THSD7B: variants seen among roughly 807,000 people sequenced by gnomAD.
THSD7B encodes the protein thrombospondin type 1 domain containing 7B.
THSD7B carries 138 observed loss-of-function variants against 213.6 expected under a neutral mutation model. The observed-to-expected ratio is 0.65, with a 90% confidence interval of 0.56 to 0.74. THSD7B has a LOEUF of 0.74. Ranked by LOEUF, THSD7B falls within the 30% of genes least tolerant of loss-of-function variation. The pLI, the probability that THSD7B is intolerant of heterozygous loss-of-function variation, is 0.00. For synonymous variants in THSD7B, 742 were observed against 687.0 expected (o/e 1.08, Z -1.25); for missense variants, 1,931 against 1,991.5 (o/e 0.97, Z 0.58).
chr2:137,285,370 T>C (rs2573093), intron 12 of THSD7B, among the ~76,000 whole-genome samples: 44,159 of 151,984 alleles, frequency 0.29, 6,826 homozygotes, highest in East Asian at 0.62. Context: ...CCCGTCTGTG[T>C]CTTTTAATTG....
intron 12 of THSD7B, among the ~76,000 whole-genome samples, chr2:137,351,666 G>A (rs1442740929): frequency 6.6e-6 from 1 of 151,878 alleles, no homozygotes; most frequent in Non-Finnish European, 1.5e-5. Context: ...AAGCCTGGGT[G>A]GCTTTCAACA....
chr2:136,942,194 C>G (rs1459477154), intron 2 of THSD7B, among the ~76,000 whole-genome samples: 1 of 147,818 alleles, frequency 6.8e-6, no homozygotes, highest in South Asian at 2.1e-4. Flanking sequence ...CTGTTCTGTT[C>G]CATTGGACTG....
At chr2:137,020,897 A>G (rs140075795) in intron 2 of THSD7B, among the ~76,000 whole-genome samples, 12 of 152,276 alleles carry the variant, frequency 7.9e-5, no homozygotes, top group Non-Finnish European at 1.5e-4. Flanking sequence ...GTTCACACTC[A>G]TTTTATTTTA....
chr2:136,773,235 A>G (rs1041103658), intron 1 of THSD7B, among the ~76,000 whole-genome samples: 2 of 152,070 alleles, frequency 1.3e-5, no homozygotes, highest in Non-Finnish European at 2.9e-5. Flanking sequence ...GCCAGACGCT[A>G]CTCTACGTGG....
At chr2:137,601,223 A>G (rs1019593821) in intron 17 of THSD7B, among the ~76,000 whole-genome samples, 7 of 152,240 alleles carry the variant, frequency 4.6e-5, no homozygotes, top group Non-Finnish European at 8.8e-5. Context: ...TACAATGTTT[A>G]TAAAGTCTAC....
chr2:137,173,792 T>C (rs1003325988), intron 7 of THSD7B, among the ~76,000 whole-genome samples: 1 of 152,192 alleles, frequency 6.6e-6, no homozygotes, highest in Non-Finnish European at 1.5e-5. Context: ...ATCTGGGTGA[T>C]TGATGATAGA....
At chr2:136,860,167 T>G (rs1479262301) in intron 1 of THSD7B, among the ~76,000 whole-genome samples, 1 of 151,844 alleles carries the variant, frequency 6.6e-6, no homozygotes, top group Non-Finnish European at 1.5e-5. Context: ...ATGATTTTTT[T>G]GAGGAGTTGA....
intron 7 of THSD7B, among the ~76,000 whole-genome samples, chr2:137,206,653 AGACCATAAAG>A (rs1174156948): frequency 1.3e-5 from 2 of 152,064 alleles, no homozygotes; most frequent in Non-Finnish European, 2.9e-5. Context: ...GAATAGAGAA[AGACCATAAAG>A]GATTTTGCTC....
intron 12 of THSD7B, among the ~76,000 whole-genome samples, chr2:137,336,062 G>A (rs909135589): frequency 2.0e-5 from 3 of 152,020 alleles, no homozygotes; most frequent in African/African-American, 7.2e-5. Context: ...GAAATATGAG[G>A]TCATTGATTA....
intron 1 of THSD7B, among the ~76,000 whole-genome samples, chr2:136,767,063 C>CA: frequency 6.6e-6 from 1 of 152,030 alleles, no homozygotes; most frequent in South Asian, 2.1e-4. Context: ...CTTTGGATGT[C>CA]AAAGGGATAC....
intron 15 of THSD7B, among the ~76,000 whole-genome samples, chr2:137,469,556 A>G (rs928942081): frequency 1.3e-5 from 2 of 152,198 alleles, no homozygotes; most frequent in Non-Finnish European, 2.9e-5. Context: ...GTGCTTAAAT[A>G]CAATCACTTT....
chr2:137,067,355 G>A (rs915967586), intron 3 of THSD7B, among the ~76,000 whole-genome samples: 1 of 152,038 alleles, frequency 6.6e-6, no homozygotes, highest in Non-Finnish European at 1.5e-5. Context: ...CACTGTGTTT[G>A]CTATAGTTGT....
chr2:137,619,304 C>A (rs1162375345), intron 19 of THSD7B, among the ~76,000 whole-genome samples: 1 of 152,206 alleles, frequency 6.6e-6, no homozygotes, highest in East Asian at 1.9e-4. Context: ...GGTGGCATTT[C>A]TCTTAAGAGA....
chr2:137,649,043 TG>T (rs1342409014), intron 21 of THSD7B, among the ~76,000 whole-genome samples: 3 of 152,204 alleles, frequency 2.0e-5, no homozygotes, highest in Non-Finnish European at 4.4e-5. Flanking sequence ...TTTTTTCATA[TG>T]GCAGTTGGCT....
chr2:136,794,830 A>AT (rs34420048), intron 1 of THSD7B, among the ~76,000 whole-genome samples: 26,010 of 151,692 alleles, frequency 0.17, 2,506 homozygotes, highest in East Asian at 0.3. Flanking sequence ...CTAGTTCTCT[A>AT]TTTTTTTCCC....
intron 7 of THSD7B, among the ~76,000 whole-genome samples, chr2:137,193,167 C>T (rs910020198): frequency 7.9e-5 from 12 of 152,102 alleles, no homozygotes; most frequent in Non-Finnish European, 5.9e-5. Context: ...GATGAGTCAC[C>T]CTGCCACGCC....
intron 6 of THSD7B, among the ~76,000 whole-genome samples, chr2:137,161,053 T>C (rs1014564689): frequency 5.3e-5 from 8 of 152,240 alleles, no homozygotes; most frequent in African/African-American, 1.9e-4. Context: ...TTTGATGTTA[T>C]ATTTTAGATT....
intron 2 of THSD7B, among the ~76,000 whole-genome samples, chr2:136,966,576 C>G (rs1365965957): frequency 6.6e-6 from 1 of 152,150 alleles, no homozygotes; most frequent in Non-Finnish European, 1.5e-5. Flanking sequence ...TTTGAGCAGT[C>G]ACATTTTAGA....
chr2:137,561,672 A>G (rs367743309), intron 15 of THSD7B, among the ~76,000 whole-genome samples: 18 of 152,046 alleles, frequency 1.2e-4, no homozygotes, highest in African/African-American at 3.6e-4. Flanking sequence ...TTGGGGTCCT[A>G]TCTCTTCATT....
Sources: allele counts gnomAD v4.1 joint callset (sites outside exome capture counted in the v4.1 genomes callset), GRCh38; gene constraint gnomAD v4.1.1; transcripts MANE v1.5; gene names NCBI Gene and HGNC (gene_info 2026-07-23, HGNC 2026-07-21).